The following EIF3H variants were observed in gnomAD, a reference collection of about 807,000 sequenced individuals.
The protein encoded by EIF3H is eIF-3-gamma.
EIF3H carries 26 observed loss-of-function variants against 44.2 expected under a neutral mutation model. That is an observed-to-expected ratio of 0.59 (90% CI 0.43 to 0.82). The LOEUF (loss-of-function observed/expected upper bound fraction) is 0.82. EIF3H is among the 40% of genes least tolerant of loss of function. The pLI is 0.00. For missense variants in EIF3H, 359 were observed against 432.8 expected (o/e 0.83, Z 1.51); for synonymous variants, 166 against 151.9 (o/e 1.09, Z -0.68).
intron 2 of EIF3H, among the ~76,000 whole-genome samples, chr8:116,677,325 C>T (rs1369849122): frequency 6.6e-6 from 1 of 152,070 alleles, no homozygotes; most frequent in African/African-American, 2.4e-5. Flanking sequence ...AATACATTTT[C>T]AACTAAAACA....
At chr8:116,664,916 G>T (rs1813643973) in intron 2 of EIF3H, among the ~76,000 whole-genome samples, 1 of 150,182 alleles carries the variant, frequency 6.7e-6, no homozygotes, top group Non-Finnish European at 1.5e-5. Context: ...CACAGAGAAA[G>T]AAATTACCAC....
In EIF3H at chr8:116,656,052, T is replaced by C. The variant is rs746070849; in HGVS notation, c.558-47A>G. 24 of 1,577,692 alleles carry C rather than the reference T, an allele frequency of 1.5e-5. No individual in the cohort carries two copies. In the Admixed American group the frequency reaches 2.9e-4, roughly 19 times the overall value. On this transcript the variant is annotated intron_variant, in intron 4 of 7. Coordinates refer to ENST00000521861, the MANE Select transcript of EIF3H (RefSeq NM_003756.3). Reference sequence around the variant, plus strand: ...CTTTAGTCTGATGGTCAAAAGTAAGTGCTAAACTGACTACTTCATAAAATT... The same window carrying C: ...CTTTAGTCTGATGGTCAAAAGTAAGCGCTAAACTGACTACTTCATAAAATT...
chr8:116,722,527 T>C (rs1379039008), intron 2 of EIF3H, among the ~76,000 whole-genome samples: 1 of 152,218 alleles, frequency 6.6e-6, no homozygotes, highest in Non-Finnish European at 1.5e-5. Context: ...AATTTGGTGT[T>C]TATTATTCTC....
intron 5 of EIF3H, among the ~76,000 whole-genome samples, chr8:116,655,087 T>G (rs1470020442): frequency 2.0e-5 from 3 of 151,884 alleles, no homozygotes; most frequent in African/African-American, 7.3e-5. Context: ...CTAGCCTCCT[T>G]CCACCACAGA....
chr8:116,653,331 G>GA (rs1450762674), intron 5 of EIF3H, among the ~76,000 whole-genome samples: 11 of 71,834 alleles, frequency 1.5e-4, no homozygotes, highest in African/African-American at 5.3e-4. Context: ...ATGCTCTTCA[G>GA]AAAAAAAACA....
At chr8:116,687,791 A>C (rs1814101266) in intron 2 of EIF3H, among the ~76,000 whole-genome samples, 1 of 152,168 alleles carries the variant, frequency 6.6e-6, no homozygotes, top group African/African-American at 2.4e-5. Context: ...AGATACTTAG[A>C]AACAGCATCA....
chr8:116,645,910 CTA>C (rs1813288013), intron 7 of EIF3H, among the ~76,000 whole-genome samples: 1 of 152,180 alleles, frequency 6.6e-6, no homozygotes, highest in South Asian at 2.1e-4. Flanking sequence ...TTTAACATTT[CTA>C]TAAGATTATA....
rs1213353501 is a variant in EIF3H at position 116,679,274 on chromosome 8, C to T, written c.290-20294G>A. The stretch of plus-strand genomic sequence containing the variant: ...TGAGGAGCCCCTCTGCCCGGCCAGC[C>T]GCCCCGTCCGGGAGGGAGGTGGGGG... On this transcript the variant is annotated intron_variant, in intron 2 of 7. Transcript: ENST00000521861. Among the ~76,000 whole-genome samples the T allele has an allele frequency of 3.5e-4, 17 of 49,246 alleles. No individual in the cohort carries two copies. The East Asian group carries it at 4.2e-3, about 12-fold the overall frequency. The allele number at this position is 49,246 out of a possible 152,430, so 32.3% of individuals were successfully genotyped here. A position where few individuals can be genotyped will look rare whatever the true frequency, so the allele number is the denominator to read the frequency against.
chr8:116,672,801 A>G (rs895996052), intron 2 of EIF3H, among the ~76,000 whole-genome samples: 5 of 152,064 alleles, frequency 3.3e-5, no homozygotes, highest in Non-Finnish European at 5.9e-5. Flanking sequence ...ATAATCTGAA[A>G]AGGAGGAGGA....
At chr8:116,649,655 C>G (rs1239248428) in intron 5 of EIF3H, among the ~76,000 whole-genome samples, 6 of 152,156 alleles carry the variant, frequency 3.9e-5, no homozygotes, top group Admixed American at 2.0e-4. Context: ...AAGAGTAGTA[C>G]CCATTCATTA....
intron 2 of EIF3H, among the ~76,000 whole-genome samples, chr8:116,708,987 C>T (rs140706880): frequency 2.9e-4 from 44 of 149,956 alleles, no homozygotes; most frequent in African/African-American, 1.0e-3. Flanking sequence ...TTAGCCAGGG[C>T]CTTTCTTTAA....
At chr8:116,745,521 A>C (rs1815217227) in intron 1 of EIF3H, among the ~76,000 whole-genome samples, 2 of 152,252 alleles carry the variant, frequency 1.3e-5, no homozygotes, top group South Asian at 4.1e-4. Flanking sequence ...CGAACACAGT[A>C]AGCACTGTCA....
intron 1 of EIF3H, among the ~76,000 whole-genome samples, chr8:116,726,998 G>C (rs908006147): frequency 6.6e-6 from 1 of 152,052 alleles, no homozygotes; most frequent in African/African-American, 2.4e-5. Flanking sequence ...GACCCAAAAG[G>C]CAACACATTC....
intron 1 of EIF3H, among the ~76,000 whole-genome samples, chr8:116,754,332 C>T (rs1464677566): frequency 3.9e-5 from 6 of 152,172 alleles, no homozygotes; most frequent in Non-Finnish European, 7.4e-5. Context: ...AGGCTGGTCT[C>T]GAACTCCTGA....
At chr8:116,672,210 T>A (rs878864818) in intron 2 of EIF3H, among the ~76,000 whole-genome samples, 6 of 152,180 alleles carry the variant, frequency 3.9e-5, no homozygotes, top group Admixed American at 1.3e-4. Flanking sequence ...GGTATTAGAA[T>A]CAATTATCTC....
At chr8:116,735,311 C>T (rs1224737061) in intron 1 of EIF3H, among the ~76,000 whole-genome samples, 1 of 152,172 alleles carries the variant, frequency 6.6e-6, no homozygotes. Context: ...TTCTAAAAAG[C>T]TTCAACTCTA....
chr8:116,739,784 C>G (rs1028031637), intron 1 of EIF3H, among the ~76,000 whole-genome samples: 1 of 152,192 alleles, frequency 6.6e-6, no homozygotes, highest in African/African-American at 2.4e-5. Flanking sequence ...ATTCCTCTAG[C>G]GCCGCTGGGT....
At chr8:116,733,082 T>A (rs1232938974) in intron 1 of EIF3H, among the ~76,000 whole-genome samples, 1 of 152,166 alleles carries the variant, frequency 6.6e-6, no homozygotes, top group Non-Finnish European at 1.5e-5. Context: ...AAAACCCTCC[T>A]CAGATTCAGT....
intron 6 of EIF3H, among the ~76,000 whole-genome samples, chr8:116,647,204 C>T (rs538019923): frequency 6.6e-4 from 101 of 152,172 alleles, no homozygotes; most frequent in African/African-American, 2.3e-3. Flanking sequence ...CCAGTTCAAG[C>T]AATTCTCCTG....
Sources: allele counts gnomAD v4.1 joint callset (sites outside exome capture counted in the v4.1 genomes callset), GRCh38; gene constraint gnomAD v4.1.1; transcripts MANE v1.5; gene names NCBI Gene and HGNC (gene_info 2026-07-23, HGNC 2026-07-21).